MYCBP2: variants seen among roughly 807,000 people sequenced by gnomAD.
The protein encoded by MYCBP2 is MYC binding protein 2, also known as E3 ubiquitin-protein ligase MYCBP2.
Under a neutral mutation model 525.3 loss-of-function variants are expected in MYCBP2, and 120 were observed. That is an observed-to-expected ratio of 0.23 (90% confidence interval 0.20 to 0.27). The LOEUF is 0.27. Among genes scored for constraint, MYCBP2 ranks in the 10% least tolerant of loss-of-function variants. The pLI is 1.00. For missense variants in MYCBP2, 4,149 were observed against 5,657.1 expected, an observed-to-expected ratio of 0.73 and a Z score of 8.55; for synonymous variants, 1,894 against 1,955.8, an observed-to-expected ratio of 0.97 and a Z score of 0.83.
chr13:77,248,210 T>G (rs1293539422), intron 15 of MYCBP2, among the ~76,000 whole-genome samples: 1 of 150,978 alleles, frequency 6.6e-6, no homozygotes, highest in Non-Finnish European at 1.5e-5. Context: ...AAATAATTTC[T>G]TGGATATGAT....
At chr13:77,274,781 G>T (rs2075328089) in intron 4 of MYCBP2, among the ~76,000 whole-genome samples, 2 of 152,094 alleles carry the variant, frequency 1.3e-5, no homozygotes, top group Admixed American at 6.5e-5. Context: ...CCAATAGCCA[G>T]GGAGAATTTC....
chr13:77,163,541 C>T (rs1230467657), intron 43 of MYCBP2, among the ~76,000 whole-genome samples: 1 of 152,094 alleles, frequency 6.6e-6, no homozygotes, highest in African/African-American at 2.4e-5. Context: ...ATTAGAGAAT[C>T]AGTAAGCATT....
At chr13:77,285,971 T>C (rs2076714005) in intron 3 of MYCBP2, among the ~76,000 whole-genome samples, 1 of 150,796 alleles carries the variant, frequency 6.6e-6, no homozygotes, top group East Asian at 1.9e-4. Flanking sequence ...ACAAAGGAAA[T>C]AAGAAAAAGA....
In MYCBP2 at chr13:77,180,379, A is replaced by T. The variant is rs887394229; in HGVS notation, c.4942-61T>A. ...TTATTTTCCTTCATAGGAGTACTCA[A>T]TTTGAAAACCTTGTCTTTCTGATAC... On this transcript the variant is annotated intron_variant, in intron 33 of 82. Coordinates refer to ENST00000544440, the MANE Select transcript of MYCBP2 (RefSeq NM_015057.5). The T allele has an allele frequency of 4.0e-5, 56 of 1,403,616 alleles. No individual in the cohort carries two copies. In the African/African-American group the frequency reaches 7.3e-4, roughly 18 times the overall value. 86.9% of individuals were successfully genotyped at this position (1,403,616 alleles called of 1,614,324 possible).
intron 80 of MYCBP2, among the ~76,000 whole-genome samples, chr13:77,054,275 G>A (rs1566290878): frequency 6.6e-6 from 1 of 152,190 alleles, no homozygotes; most frequent in Non-Finnish European, 1.5e-5. Flanking sequence ...TTTGGGAAAT[G>A]CAAGTTATTT....
At chr13:77,225,241 C>T (rs1285176032) in intron 19 of MYCBP2, among the ~76,000 whole-genome samples, 194 bp downstream of exon 19, 1 of 152,144 alleles carries the variant, frequency 6.6e-6, no homozygotes, top group Non-Finnish European at 1.5e-5. Context: ...GATCTCTAGA[C>T]AAGTACCTGT....
At chr13:77,315,326 C>T (rs1164429763) in intron 1 of MYCBP2, among the ~76,000 whole-genome samples, 2 of 152,014 alleles carry the variant, frequency 1.3e-5, no homozygotes, top group Non-Finnish European at 2.9e-5. Flanking sequence ...AATTCTAAAG[C>T]CTGACAGGAT....
At chr13:77,209,693 G>A (rs1236740544) in intron 23 of MYCBP2, among the ~76,000 whole-genome samples, 1 of 152,138 alleles carries the variant, frequency 6.6e-6, no homozygotes, top group Non-Finnish European at 1.5e-5. Context: ...CCTGCACAAT[G>A]CTGCCAGGGA....
chr13:77,083,466 AC>A (rs942347810), intron 62 of MYCBP2, among the ~76,000 whole-genome samples: 1 of 152,154 alleles, frequency 6.6e-6, no homozygotes, highest in Admixed American at 6.6e-5. Context: ...GGGTGAATCC[AC>A]ATGTGTATGC....
intron 66 of MYCBP2, among the ~76,000 whole-genome samples, chr13:77,078,241 A>ACAAG (rs886138407): frequency 7.2e-5 from 11 of 152,218 alleles, no homozygotes; most frequent in African/African-American, 2.7e-4. Flanking sequence ...TGATTTGAAA[A>ACAAG]CAAGCAAGCA....
chr13:77,181,672 T>C (rs1174192014), intron 33 of MYCBP2, 29 bp downstream of exon 33: 18 of 1,583,154 alleles, frequency 1.1e-5, no homozygotes, highest in Non-Finnish European at 1.6e-5. Context: ...TTAGTGCCTC[T>C]GTATAAAAGA....
chr13:77,115,662 T>C (rs892394647), intron 55 of MYCBP2, among the ~76,000 whole-genome samples: 4 of 151,530 alleles, frequency 2.6e-5, no homozygotes, highest in African/African-American at 9.7e-5. Flanking sequence ...TTTCCAAAGA[T>C]AGGTGTAAAA....
intron 17 of MYCBP2, among the ~76,000 whole-genome samples, chr13:77,240,276 A>G (rs1220529917): frequency 2.0e-5 from 3 of 152,202 alleles, no homozygotes; most frequent in Non-Finnish European, 4.4e-5. Context: ...AAATGAATAC[A>G]TAGTTAGAAT....
At chr13:77,114,357 A>G (rs1231025063) in intron 55 of MYCBP2, among the ~76,000 whole-genome samples, 1 of 152,118 alleles carries the variant, frequency 6.6e-6, no homozygotes, top group Non-Finnish European at 1.5e-5. Context: ...TAACATCAAA[A>G]GATAACATTT....
At chr13:77,216,397 T>A (rs9574015) in intron 21 of MYCBP2, among the ~76,000 whole-genome samples, 1 of 152,258 alleles carries the variant, frequency 6.6e-6, no homozygotes, top group South Asian at 2.1e-4. Context: ...GGATGCTAAA[T>A]CTAGGGGGAA....
intron 74 of MYCBP2, among the ~76,000 whole-genome samples, chr13:77,062,113 T>C (rs1315943952): frequency 3.3e-5 from 5 of 152,238 alleles, no homozygotes; most frequent in African/African-American, 4.8e-5. Context: ...TGTTTATTTT[T>C]GAAACTTGAA....
intron 1 of MYCBP2, among the ~76,000 whole-genome samples, chr13:77,313,234 G>C (rs532143419): frequency 2.6e-5 from 4 of 152,090 alleles, no homozygotes; most frequent in Admixed American, 6.5e-5. Flanking sequence ...AAAATTCATA[G>C]CTTTAAATAC....
At chr13:77,252,158 T>C (rs2071322008) in intron 14 of MYCBP2, among the ~76,000 whole-genome samples, 3 of 152,230 alleles carry the variant, frequency 2.0e-5, no homozygotes, top group South Asian at 2.1e-4. Context: ...TTTTTCTAAA[T>C]TGAACACCTA....
intron 60 of MYCBP2, 25 bp downstream of exon 60, chr13:77,090,081 T>C (rs1228383993): frequency 6.3e-7 from 1 of 1,581,018 alleles, no homozygotes. Flanking sequence ...GATCACTCAA[T>C]ATTCTTTTTT....
Sources: gnomAD v4.1 joint callset for allele counts (sites outside exome capture counted in the v4.1 genomes callset) on GRCh38, gnomAD v4.1.1 for gene constraint, MANE v1.5 for transcripts, NCBI Gene and HGNC (gene_info 2026-07-23, HGNC 2026-07-21) for gene names.